Variants in ALK observed in about 807,000 individuals in gnomAD.
ALK encodes the protein ALK tyrosine kinase receptor.
Under a neutral mutation model 163.1 loss-of-function variants are expected in ALK, and 74 were observed. That is an observed-to-expected ratio of 0.45 (90% CI 0.38 to 0.55). ALK has a LOEUF of 0.55. Among genes scored for constraint, ALK ranks in the 20% least tolerant of loss-of-function variants. The pLI is 0.00. For missense variants in ALK, 2,063 were observed against 2,105.3 expected (o/e 0.98, Z 0.39); for synonymous variants, 960 against 843.2 (o/e 1.14, Z -2.40).
chr2:29,895,744 C>G (rs1667251982), intron 1 of ALK, among the ~76,000 whole-genome samples: 1 of 152,214 alleles, frequency 6.6e-6, no homozygotes, highest in Admixed American at 6.5e-5. Flanking sequence ...TTGTGAGCCT[C>G]CATCTGCTTA....
intron 2 of ALK, among the ~76,000 whole-genome samples, chr2:29,696,072 C>A (rs892438032): frequency 6.6e-6 from 1 of 152,180 alleles, no homozygotes; most frequent in African/African-American, 2.4e-5. Context: ...CTACTATAAA[C>A]AGACATGCCT....
intron 2 of ALK, among the ~76,000 whole-genome samples, chr2:29,708,817 A>G (rs530246067): frequency 6.7e-4 from 102 of 152,188 alleles, no homozygotes; most frequent in African/African-American, 2.5e-3. Flanking sequence ...TCCTCATCCT[A>G]CAGATGTGGC....
chr2:29,725,113 C>T (rs1033585420), intron 1 of ALK, among the ~76,000 whole-genome samples: 1 of 127,356 alleles, frequency 7.9e-6, no homozygotes, highest in East Asian at 2.4e-4. Flanking sequence ...TAGCATGGTG[C>T]CTACCCTTAG....
rs540058077 is a variant in ALK at position 29,916,954 on chromosome 2, G to T, written c.667+3039C>A. ...CCATGAATGGGTGAATTTGGGATCT[G>T]CCTCAGACTTGAAATGCCGATCCTA... On this transcript the variant is annotated intron_variant, in intron 1 of 28. Transcript: ENST00000389048. 5.3e-5 allele frequency among the ~76,000 whole-genome samples: 8 copies of T among 152,280 alleles called. No individual in the cohort carries two copies. In the South Asian group the frequency reaches 1.7e-3, roughly 32 times the overall value.
intron 5 of ALK, among the ~76,000 whole-genome samples, chr2:29,348,991 C>T (rs756838905): frequency 3.3e-5 from 5 of 152,204 alleles, no homozygotes; most frequent in Non-Finnish European, 7.3e-5. Context: ...CTCAGTTTCT[C>T]GAATGTACAA....
At chr2:29,324,284 A>C (rs1558672303) in intron 6 of ALK, among the ~76,000 whole-genome samples, 1 of 152,382 alleles carries the variant, frequency 6.6e-6, no homozygotes, top group South Asian at 2.1e-4. Context: ...ACTCCAGGCC[A>C]AATGACACTA....
chr2:29,773,531 CA>C (rs1428712691), intron 1 of ALK, among the ~76,000 whole-genome samples: 1 of 152,290 alleles, frequency 6.6e-6, no homozygotes, highest in East Asian at 1.9e-4. Flanking sequence ...AGGACACTGG[CA>C]CTGATGACCG....
chr2:29,223,571 C>G (rs1305576408), intron 19 of ALK, 43 bp from the exon 20 acceptor site: 1 of 1,601,374 alleles, frequency 6.2e-7, no homozygotes, highest in African/African-American at 1.3e-5. Context: ...GGCAGCCTGG[C>G]CCTTGAAGCA....
intron 3 of ALK, among the ~76,000 whole-genome samples, chr2:29,610,868 A>G (rs770264989): frequency 6.6e-6 from 1 of 152,106 alleles, no homozygotes; most frequent in Non-Finnish European, 1.5e-5. Context: ...ACTTGAATAC[A>G]TTTCACTTAT....
chr2:29,236,623 A>T (rs758133933), intron 13 of ALK, among the ~76,000 whole-genome samples: 11 of 152,150 alleles, frequency 7.2e-5, no homozygotes, highest in Admixed American at 7.2e-4. Context: ...CTGGACCAGT[A>T]GCAGCATTTG....
intron 2 of ALK, among the ~76,000 whole-genome samples, chr2:29,713,523 G>T (rs1340662335): frequency 6.6e-6 from 1 of 152,148 alleles, no homozygotes; most frequent in Non-Finnish European, 1.5e-5. Context: ...GCTACCCAAG[G>T]TCTTAGACAT....
In ALK at chr2:29,857,986, G is replaced by C. The variant is rs569055549; in HGVS notation, c.667+62007C>G. 1.2e-4 allele frequency among the ~76,000 whole-genome samples: 18 copies of C among 152,302 alleles called. No individual in the cohort carries two copies. The East Asian group carries it at 3.3e-3, about 28-fold the overall frequency. On this transcript the variant is annotated intron_variant, in intron 1 of 28. Coordinates refer to ENST00000389048, the MANE Select transcript of ALK (RefSeq NM_004304.5). ...AGTGCAATAGCATAACCAGGATACT[G>C]ACATTGATACAATCCAACAACCTTA... is the stretch of plus-strand genomic sequence containing the variant.
intron 4 of ALK, among the ~76,000 whole-genome samples, chr2:29,502,525 G>T (rs1356607641): frequency 6.6e-6 from 1 of 151,988 alleles, no homozygotes; most frequent in Non-Finnish European, 1.5e-5. Context: ...CATAAATCTT[G>T]AGCTCCCCCA....
chr2:29,638,464 G>C (rs1231542503), intron 3 of ALK, among the ~76,000 whole-genome samples: 2 of 149,258 alleles, frequency 1.3e-5, no homozygotes, highest in African/African-American at 2.5e-5. Context: ...ACAGCTTCGA[G>C]TGTCAGGGAA....
At chr2:29,241,498 C>T (rs1033912776) in intron 12 of ALK, among the ~76,000 whole-genome samples, 2 of 151,622 alleles carry the variant, frequency 1.3e-5, no homozygotes, top group Admixed American at 6.6e-5. Context: ...TGGGGGATTG[C>T]GACAGGTGGT....
At chr2:29,353,668 G>A (rs1302384701) in intron 5 of ALK, among the ~76,000 whole-genome samples, 1 of 152,018 alleles carries the variant, frequency 6.6e-6, no homozygotes, top group Non-Finnish European at 1.5e-5. Flanking sequence ...CCCAAAGGCA[G>A]TGTGTTGAGG....
chr2:29,229,136 G>T, intron 15 of ALK, 70 bp from the exon 16 acceptor site: 1 of 1,479,716 alleles, frequency 6.8e-7, no homozygotes, highest in Non-Finnish European at 9.4e-7. Flanking sequence ...GGCCAGAGAA[G>T]CAGGATGCAG....
At chr2:29,875,493 G>A (rs575026174) in intron 1 of ALK, among the ~76,000 whole-genome samples, 2 of 152,188 alleles carry the variant, frequency 1.3e-5, no homozygotes, top group Admixed American at 1.3e-4. Context: ...GTATACCTGT[G>A]CCACGGTGGT....
chr2:29,445,165 A>G (rs1670641337), intron 4 of ALK, among the ~76,000 whole-genome samples: 1 of 152,164 alleles, frequency 6.6e-6, no homozygotes, highest in East Asian at 1.9e-4. Context: ...AACCCTTTCT[A>G]TATAGCTTAG....
Sources: gnomAD v4.1 joint callset for allele counts (sites outside exome capture counted in the v4.1 genomes callset) on GRCh38, gnomAD v4.1.1 for gene constraint, MANE v1.5 for transcripts, NCBI Gene and HGNC (gene_info 2026-07-23, HGNC 2026-07-21) for gene names.